The following NOXRED1 variants were observed in gnomAD, a reference collection of about 807,000 sequenced individuals.
The protein encoded by NOXRED1 is NADP-dependent oxidoreductase domain-containing protein 1.
A neutral mutation model predicts 30.4 loss-of-function variants in NOXRED1; 20 were observed. The ratio of observed to expected loss-of-function variants is 0.66; its 90% CI spans 0.46 to 0.96. The LOEUF (loss-of-function observed/expected upper bound fraction) is 0.96. Ranked by LOEUF, NOXRED1 falls within the 40% of genes least tolerant of loss-of-function variation. NOXRED1 has a pLI of 0.00. For synonymous variants in NOXRED1, 155 were observed against 168.0 expected (o/e 0.92, Z 0.60); for missense variants, 374 against 428.0 (o/e 0.87, Z 1.11).
At chr14:77,403,163 T>C (rs1894371558) in intron 5 of NOXRED1, among the ~76,000 whole-genome samples, 1 of 152,144 alleles carries the variant, frequency 6.6e-6, no homozygotes, top group Admixed American at 6.6e-5. Flanking sequence ...GGGAAACTGA[T>C]AAAATTTGAA....
At chr14:77,396,248 C>CT (rs35292349) in intron 5 of NOXRED1, among the ~76,000 whole-genome samples, 10,716 of 131,092 alleles carry the variant, frequency 0.082, 1,562 homozygotes, top group African/African-American at 0.29. Flanking sequence ...TCCAAGGAAT[C>CT]TTTTTTTTTT....
chr14:77,406,592 C>A, intron 4 of NOXRED1, 132 bp downstream of exon 4: 1 of 95,956 alleles, frequency 1.0e-5, no homozygotes, highest in Non-Finnish European at 2.1e-5. Context: ...TTGTGCCTTA[C>A]ACACACACAC....
intron 2 of NOXRED1, among the ~76,000 whole-genome samples, chr14:77,412,084 C>A: frequency 9.2e-6 from 1 of 108,176 alleles, no homozygotes; most frequent in Admixed American, 1.4e-4. Flanking sequence ...GCCTAGGTGA[C>A]AGAGCAAGAC....
intron 2 of NOXRED1, 44 bp downstream of exon 2, chr14:77,413,890 C>T (rs1446540954): frequency 1.4e-6 from 2 of 1,424,648 alleles, no homozygotes; most frequent in African/African-American, 1.4e-5. Context: ...TTGACACCTA[C>T]ACAGCACAAC....
chr14:77,414,230 A>C, intron 1 of NOXRED1, 103 bp from the exon 2 acceptor site: 1 of 697,770 alleles, frequency 1.4e-6, no homozygotes, highest in Non-Finnish European at 2.2e-6. Context: ...CGCCCAGGTT[A>C]GAGTGCAATG....
chr14:77,405,856 T>C lies in NOXRED1; in HGVS notation c.905+57A>G. On this transcript the variant is annotated intron_variant, in intron 5 of 5. Transcript: ENST00000380835. The stretch of plus-strand genomic sequence containing the variant: ...ATGAAAGGATAAAAGAAAAAAAGCA[T>C]TAACTAAGAGAAGAGTCTGGGAGAA... 2.9e-6 allele frequency: 3 copies of C among 1,017,776 alleles called. No homozygotes were observed. In the South Asian group the frequency reaches 3.9e-5, roughly 13 times the overall value. 63.0% of individuals were successfully genotyped at this position (1,017,776 alleles called of 1,614,324 possible).
intron 5 of NOXRED1, among the ~76,000 whole-genome samples, chr14:77,404,643 G>C (rs1277377627): frequency 1.3e-5 from 2 of 152,054 alleles, no homozygotes; most frequent in Non-Finnish European, 2.9e-5. Flanking sequence ...AAAAGAAAAG[G>C]GCCTAGGATA....
intron 1 of NOXRED1, among the ~76,000 whole-genome samples, chr14:77,415,004 C>T (rs1360162686): frequency 6.6e-6 from 1 of 151,814 alleles, no homozygotes. Context: ...TGTAAGACCT[C>T]GTCTCTACAA....
At chr14:77,410,332 A>G (rs1341973452) in intron 2 of NOXRED1, among the ~76,000 whole-genome samples, 1 of 152,116 alleles carries the variant, frequency 6.6e-6, no homozygotes, top group Admixed American at 6.6e-5. Context: ...AAACCTGGGC[A>G]CTGTGGCTCA....
rs771404368 is a variant in NOXRED1, at chr14:77,405,973, G to A, written c.845C>T (p.Pro282Leu). The A allele has an allele frequency of 1.2e-5, 20 of 1,613,642 alleles. No individual in the cohort carries two copies. The African/African-American group carries it at 2.4e-4, about 19-fold the overall frequency. The change falls in exon 5 of 6, where the codon CCA (proline) becomes CTA (leucine). Residue 282 changes from proline to leucine, a missense_variant. Coordinates refer to ENST00000380835, the MANE Select transcript of NOXRED1 (RefSeq NM_001113475.3). ...EDCGKDTASC[P>L]KLQLTDFVSK... The stretch of plus-strand genomic sequence containing the variant: ...GACAAAATCTGTTAATTGCAACTTT[G>A]GGCAAGATGCTGTGTCTTTCCCACA...
intron 2 of NOXRED1, among the ~76,000 whole-genome samples, chr14:77,413,239 CTTTT>C (rs869173262): frequency 1.5e-5 from 2 of 137,156 alleles, no homozygotes; most frequent in Non-Finnish European, 1.6e-5. Context: ...CATTACAAAA[CTTTT>C]TTTTTTTTTT....
At chr14:77,405,804 T>C (rs1000731175) in intron 5 of NOXRED1, 109 bp downstream of exon 5, 5 of 680,300 alleles carry the variant, frequency 7.3e-6, no homozygotes, top group African/African-American at 3.6e-5. Context: ...CAAAAAGGTA[T>C]AATTTTTATC....
chr14:77,424,444 G>A (rs1397690328), upstream of NOXRED1, among the ~76,000 whole-genome samples: 1 of 152,172 alleles, frequency 6.6e-6, no homozygotes, highest in Non-Finnish European at 1.5e-5. Flanking sequence ...TCCAGCCTGG[G>A]CGGCAGAGGG....
At chr14:77,397,815 G>A (rs1320658480) in intron 5 of NOXRED1, among the ~76,000 whole-genome samples, 6 of 150,902 alleles carry the variant, frequency 4.0e-5, no homozygotes, top group Non-Finnish European at 8.8e-5. Flanking sequence ...CTGGGAAGCG[G>A]AGGTTGCAGT....
rs568148887 is a variant in NOXRED1 at position 77,395,230 on chromosome 14, C to T, written c.906-425G>A. 6.0e-5 allele frequency among the ~76,000 whole-genome samples: 9 copies of T among 151,034 alleles called. No individual in the cohort carries two copies. In the East Asian group the frequency reaches 1.6e-3, roughly 26 times the overall value. On this transcript the variant is annotated intron_variant, in intron 5 of 5. Coordinates refer to ENST00000380835, the MANE Select transcript of NOXRED1 (RefSeq NM_001113475.3). ...ATGCCATTCTCCTGCCTCAGCCTCC[C>T]GAGTAGCTGGGACTACAGGCGCCCG... is the stretch of plus-strand genomic sequence containing the variant.
intron 5 of NOXRED1, among the ~76,000 whole-genome samples, chr14:77,397,986 A>G (rs555636739): frequency 6.6e-6 from 1 of 152,146 alleles, no homozygotes; most frequent in African/African-American, 2.4e-5. Flanking sequence ...TGAACTAAAA[A>G]ATCAATAACT....
rs56942412 is a variant in NOXRED1 at position 77,406,590 on chromosome 14, T to TAC, written c.682+132_682+133dup. On this transcript the variant is annotated intron_variant, in intron 4 of 5. Coordinates refer to ENST00000380835, the MANE Select transcript of NOXRED1 (RefSeq NM_001113475.3). ...AGCTCTCCTGCAGTACCTTGTGCCT[T>TAC]ACACACACACACACACACACACACA... The TAC allele has an allele frequency of 1.4e-3, 1,081 of 773,258 alleles. 3 individuals are homozygous for TAC. Among genetic ancestry groups the TAC allele is most frequent in the African/African-American group, 9.9e-3 (547 of 55,256 alleles). The allele number at this position is 773,258 out of a possible 1,614,324, so 47.9% of individuals were successfully genotyped here.
rs762504498 is a variant in NOXRED1 at position 77,394,764 on chromosome 14, T to A, written c.947A>T (p.Glu316Val). The A allele has an allele frequency of 6.2e-6, 10 of 1,613,742 alleles. No homozygotes were observed. The highest frequency in any genetic ancestry group is 8.5e-6 in the Non-Finnish European group (10 of 1,179,754). Residue 316 changes from glutamate to valine, a missense_variant, in exon 6 of 6, where the codon GAA (glutamate) becomes GTA (valine). Coordinates refer to ENST00000380835, the MANE Select transcript of NOXRED1 (RefSeq NM_001113475.3). ...WFDLTAVQLKETPFSQHLSSS... is the reference protein window; with the variant it reads ...WFDLTAVQLKVTPFSQHLSSS... ...TGAGAGATGCTGGCTAAACGGAGTT[T>A]CCTTGAGTTGCACAGCAGTCAGATC...
intron 1 of NOXRED1, among the ~76,000 whole-genome samples, chr14:77,420,658 T>C (rs1265311333): frequency 6.6e-6 from 1 of 152,158 alleles, no homozygotes; most frequent in Non-Finnish European, 1.5e-5. Flanking sequence ...TCTGTTTCTT[T>C]AGGGCTGGTT....
Sources: allele counts gnomAD v4.1 joint callset (sites outside exome capture counted in the v4.1 genomes callset), GRCh38; gene constraint gnomAD v4.1.1; transcripts MANE v1.5; gene names NCBI Gene and HGNC (gene_info 2026-07-23, HGNC 2026-07-21).